CHN1: variants seen among roughly 807,000 people sequenced by gnomAD.
The protein encoded by CHN1 is chimerin 1.
A neutral mutation model predicts 59.5 loss-of-function variants in CHN1; 37 were observed. That is an observed-to-expected ratio of 0.62 (90% CI 0.48 to 0.82). The LOEUF (loss-of-function observed/expected upper bound fraction) is 0.82, where lower values mean the gene tolerates loss of function less well. Ranked by LOEUF, CHN1 falls within the 40% of genes least tolerant of loss-of-function variation. The pLI is 0.00. For missense variants in CHN1, 469 were observed against 571.0 expected (o/e 0.82, Z 1.82); for synonymous variants, 206 against 200.4 (o/e 1.03, Z -0.24).
intron 4 of CHN1, among the ~76,000 whole-genome samples, chr2:174,917,225 G>C (rs1477439900): frequency 1.3e-5 from 2 of 152,154 alleles, no homozygotes; most frequent in Non-Finnish European, 2.9e-5. Context: ...CTGAGGTCAA[G>C]AGTTCAAGAC....
chr2:174,919,937 A>C (rs1054907603), intron 3 of CHN1, among the ~76,000 whole-genome samples: 35 of 152,110 alleles, frequency 2.3e-4, no homozygotes, highest in South Asian at 4.1e-4. Context: ...TTCCCACCCC[A>C]ACCACGTTCT....
chr2:174,865,383 G>A (rs1017978846), intron 6 of CHN1, among the ~76,000 whole-genome samples: 1 of 152,130 alleles, frequency 6.6e-6, no homozygotes, highest in Non-Finnish European at 1.5e-5. Flanking sequence ...GGGGCATTGT[G>A]TGGAAGGGTC....
chr2:174,844,574 C>T (rs1035867815), intron 7 of CHN1, among the ~76,000 whole-genome samples: 1 of 152,182 alleles, frequency 6.6e-6, no homozygotes, highest in Admixed American at 6.6e-5. Flanking sequence ...CATGGAAATG[C>T]TACGGTTTTT....
chr2:174,963,342 C>T (rs370196049), intron 1 of CHN1, among the ~76,000 whole-genome samples: 1 of 151,978 alleles, frequency 6.6e-6, no homozygotes, highest in Non-Finnish European at 1.5e-5. Flanking sequence ...AACTGATGAA[C>T]GAATGGAAGG....
intron 1 of CHN1, among the ~76,000 whole-genome samples, chr2:174,982,245 C>T (rs1691179515): frequency 6.6e-6 from 1 of 152,072 alleles, no homozygotes; most frequent in South Asian, 2.1e-4. Flanking sequence ...GTGAATAGTG[C>T]CACAATAAAC....
intron 6 of CHN1, among the ~76,000 whole-genome samples, chr2:174,867,259 C>T (rs1687248425): frequency 6.6e-6 from 1 of 151,640 alleles, no homozygotes; most frequent in Admixed American, 6.6e-5. Flanking sequence ...GCCTATAGTC[C>T]CAGCTATTCG....
intron 8 of CHN1, among the ~76,000 whole-genome samples, chr2:174,823,871 A>G (rs1558939346): frequency 6.6e-6 from 1 of 152,210 alleles, no homozygotes; most frequent in African/African-American, 2.4e-5. Context: ...TTTTACAAAA[A>G]GTATTTGATG....
chr2:174,862,795 T>C (rs892823973), intron 6 of CHN1, among the ~76,000 whole-genome samples: 1 of 152,214 alleles, frequency 6.6e-6, no homozygotes, highest in Non-Finnish European at 1.5e-5. Flanking sequence ...TCACAAGATA[T>C]GAAAGGTATT....
At chr2:174,875,923 G>C (rs529894609) in intron 6 of CHN1, 1 of 596,626 alleles carries the variant, frequency 1.7e-6, no homozygotes, top group East Asian at 1.4e-4. Context: ...CTAGATTTAA[G>C]ATGCATGCGG....
At chr2:174,890,528 A>AAAGAAG (rs566435505) in intron 5 of CHN1, among the ~76,000 whole-genome samples, 1 of 152,120 alleles carries the variant, frequency 6.6e-6, no homozygotes, top group Admixed American at 6.6e-5. Context: ...CCATCTTTAA[A>AAAGAAG]AAGAAGAAGA....
chr2:175,004,182 C>G lies in CHN1; in HGVS notation c.19+712G>C, dbSNP rs564110029. ...GAATGTATCTTTTCAGTCCTTTTTCCCAACCCATTGTCATTGCAGACTGAG... is the reference window on the plus strand; with the variant it reads ...GAATGTATCTTTTCAGTCCTTTTTCGCAACCCATTGTCATTGCAGACTGAG... On this transcript the variant is annotated intron_variant, in intron 1 of 12. Coordinates refer to ENST00000409900, the MANE Select transcript of CHN1 (RefSeq NM_001822.7). Among the ~76,000 whole-genome samples, 3 of 152,188 alleles carry G rather than the reference C, an allele frequency of 2.0e-5. No individual in the cohort carries two copies. The East Asian group carries it at 5.8e-4, about 29-fold the overall frequency.
At chr2:174,844,431 G>GTATT (rs1449474513) in intron 7 of CHN1, among the ~76,000 whole-genome samples, 2 of 152,166 alleles carry the variant, frequency 1.3e-5, no homozygotes, top group Non-Finnish European at 2.9e-5. Context: ...CCACAGAGCA[G>GTATT]TATTACATAA....
chr2:174,960,996 C>T (rs1002311080), intron 1 of CHN1, among the ~76,000 whole-genome samples: 14 of 151,534 alleles, frequency 9.2e-5, no homozygotes, highest in African/African-American at 2.7e-4. Flanking sequence ...AATCAGGTGG[C>T]GCGTGACTGT....
At chr2:174,816,428 C>A (rs1374259303) in intron 8 of CHN1, among the ~76,000 whole-genome samples, 1 of 152,176 alleles carries the variant, frequency 6.6e-6, no homozygotes, top group Non-Finnish European at 1.5e-5. Flanking sequence ...GCAGAAGGGT[C>A]TCTGTTTACC....
chr2:175,005,042 G>T lies in CHN1; in HGVS notation c.-130C>A. 2 of 1,383,696 alleles carry T rather than the reference G, an allele frequency of 1.4e-6. No homozygotes were observed. The allele number at this position is 1,383,696 out of a possible 1,614,324, so 85.7% of individuals were successfully genotyped here. A position where few individuals can be genotyped will look rare whatever the true frequency, so the allele number is the denominator to read the frequency against. ...CCCGATGGGGCGTGCTGGGGGCGCC[G>T]GCGCCCGGGGAGGCTGCAGGCCGGG... On this transcript the variant is annotated 5_prime_UTR_variant, in exon 1 of 13. Transcript: ENST00000409900.
chr2:174,862,553 A>C (rs1234932036), intron 6 of CHN1, among the ~76,000 whole-genome samples: 1 of 152,088 alleles, frequency 6.6e-6, no homozygotes, highest in African/African-American at 2.4e-5. Context: ...GGATGGTCTC[A>C]ATCTCCTAAC....
intron 3 of CHN1, among the ~76,000 whole-genome samples, chr2:174,928,798 CTA>C (rs760949386): frequency 1.5e-4 from 23 of 152,188 alleles, no homozygotes; most frequent in Non-Finnish European, 2.9e-4. Flanking sequence ...CATATTTTCA[CTA>C]TGTTTTCTAA....
At chr2:174,990,581 G>A (rs1177652969) in intron 1 of CHN1, among the ~76,000 whole-genome samples, 3 of 152,046 alleles carry the variant, frequency 2.0e-5, no homozygotes, top group Non-Finnish European at 4.4e-5. Context: ...ACTGTATAGC[G>A]ATGTCTGTTG....
At chr2:174,990,417 C>A (rs1370775255) in intron 1 of CHN1, among the ~76,000 whole-genome samples, 1 of 152,000 alleles carries the variant, frequency 6.6e-6, no homozygotes, top group Non-Finnish European at 1.5e-5. Context: ...TCTGGAGAGA[C>A]CTAGGAACAG....
Sources: allele counts gnomAD v4.1 joint callset (sites outside exome capture counted in the v4.1 genomes callset), GRCh38; gene constraint gnomAD v4.1.1; transcripts MANE v1.5; gene names NCBI Gene and HGNC (gene_info 2026-07-23, HGNC 2026-07-21).